GUCY2F: variants seen among roughly 807,000 people sequenced by gnomAD.
GUCY2F encodes retinal guanylyl cyclase 2.
In GUCY2F, 61 loss-of-function variants were observed where a neutral mutation model predicts 73.1. The ratio of observed to expected loss-of-function variants is 0.83; its 90% CI spans 0.68 to 1.03. The LOEUF is 1.03. GUCY2F is among the 50% of genes least tolerant of loss of function. GUCY2F has a pLI of 0.00. For synonymous variants in GUCY2F, 331 were observed against 307.8 expected (o/e 1.08, Z -0.79); for missense variants, 912 against 854.3 (o/e 1.07, Z -0.84).
At chrX:109,458,764 G>C (rs944917220) in intron 3 of GUCY2F, among the ~76,000 whole-genome samples, 1 of 111,302 alleles carries the variant, frequency 9.0e-6, no homozygotes, top group East Asian at 2.8e-4. Context: ...AACATTAATT[G>C]AGGGGTTATC....
intron 16 of GUCY2F, 125 bp downstream of exon 16, chrX:109,385,059 T>G: frequency 4.8e-6 from 2 of 413,446 alleles, no homozygotes; most frequent in South Asian, 1.0e-4. Context: ...TCTCAAATTA[T>G]CTTTTATTTT....
chrX:109,443,674 A>G (rs1457546612), intron 6 of GUCY2F, among the ~76,000 whole-genome samples: 1 of 112,057 alleles, frequency 8.9e-6, no homozygotes, highest in East Asian at 2.8e-4. Flanking sequence ...TGCAAAGCCT[A>G]TACAAATAAA....
chrX:109,434,147 G>A (rs1163400624), intron 7 of GUCY2F, among the ~76,000 whole-genome samples: 1 of 110,562 alleles, frequency 9.0e-6, no homozygotes, highest in Non-Finnish European at 1.9e-5. Context: ...AAGCAAAGAG[G>A]AAAGAGTAGT....
chrX:109,390,404 A>G (rs1322652155), intron 14 of GUCY2F, among the ~76,000 whole-genome samples: 1 of 112,220 alleles, frequency 8.9e-6, no homozygotes, highest in African/African-American at 3.2e-5. Context: ...AGGTAAAGAA[A>G]ATAAAAACAC....
At chrX:109,420,568 T>C (rs1278739391) in intron 8 of GUCY2F, among the ~76,000 whole-genome samples, 1 of 111,326 alleles carries the variant, frequency 9.0e-6, no homozygotes, top group Non-Finnish European at 1.9e-5. Context: ...AAATAAATAG[T>C]TCAGCAAAGG....
At chrX:109,415,187 G>A (rs1383084062) in intron 8 of GUCY2F, among the ~76,000 whole-genome samples, 1 of 111,058 alleles carries the variant, frequency 9.0e-6, no homozygotes, top group Non-Finnish European at 1.9e-5. Flanking sequence ...TAACCAGGCT[G>A]TTGTCAGCCA....
intron 2 of GUCY2F, among the ~76,000 whole-genome samples, chrX:109,472,701 C>G (rs1311414293): frequency 2.7e-5 from 3 of 112,107 alleles, no homozygotes; most frequent in Non-Finnish European, 3.8e-5. Context: ...CACCAAATCT[C>G]CAATTTTCTA....
intron 7 of GUCY2F, among the ~76,000 whole-genome samples, chrX:109,433,332 C>A (rs1036189797): frequency 8.9e-6 from 1 of 111,910 alleles, no homozygotes; most frequent in African/African-American, 3.3e-5. Context: ...ATCCATAACA[C>A]AATCCCTTCA....
At chrX:109,446,721 A>C (rs1195208525) in intron 6 of GUCY2F, among the ~76,000 whole-genome samples, 1 of 112,149 alleles carries the variant, frequency 8.9e-6, no homozygotes, top group Non-Finnish European at 1.9e-5. Flanking sequence ...ATGGGAAAGG[A>C]CTTCATGTCT....
intron 16 of GUCY2F, among the ~76,000 whole-genome samples, chrX:109,382,988 T>C (rs924277861): frequency 9.0e-6 from 1 of 111,723 alleles, no homozygotes; most frequent in African/African-American, 3.3e-5. Flanking sequence ...GAGTCTTAAA[T>C]AAAAGTCCAA....
intron 7 of GUCY2F, among the ~76,000 whole-genome samples, chrX:109,435,921 G>A (rs1306396474): frequency 9.0e-6 from 1 of 111,142 alleles, no homozygotes; most frequent in Non-Finnish European, 1.9e-5. Context: ...TTTATATGCT[G>A]GATTACATTT....
chrX:109,395,855 C>T (rs2147255462), intron 11 of GUCY2F, among the ~76,000 whole-genome samples: 1 of 111,694 alleles, frequency 9.0e-6, no homozygotes, highest in Non-Finnish European at 1.9e-5. Context: ...ACAATAGACC[C>T]ACTTAACTCT....
At chrX:109,410,791 C>G (rs777878456) in intron 8 of GUCY2F, among the ~76,000 whole-genome samples, 110 of 111,812 alleles carry the variant, frequency 9.8e-4, no homozygotes, top group African/African-American at 3.3e-3. Flanking sequence ...TATGTGGACT[C>G]TCTCAAAGGA....
intron 8 of GUCY2F, among the ~76,000 whole-genome samples, chrX:109,409,887 C>A (rs1421003199): frequency 9.0e-6 from 1 of 111,378 alleles, no homozygotes; most frequent in Non-Finnish European, 1.9e-5. Flanking sequence ...TTATAAATTA[C>A]CCAGTCTCAG....
At chrX:109,480,591 T>A (rs1932758667) in intron 1 of GUCY2F, among the ~76,000 whole-genome samples, 1 of 111,528 alleles carries the variant, frequency 9.0e-6, no homozygotes, top group South Asian at 3.7e-4. Flanking sequence ...TCTAAAAAGT[T>A]AGATTTTTTA....
intron 3 of GUCY2F, among the ~76,000 whole-genome samples, chrX:109,459,763 T>A (rs1216392776): frequency 8.9e-6 from 1 of 111,827 alleles, no homozygotes; most frequent in Non-Finnish European, 1.9e-5. Context: ...AAAAAGCAAC[T>A]GTTTAGCCAA....
intron 8 of GUCY2F, among the ~76,000 whole-genome samples, chrX:109,427,075 G>A (rs1931506226): frequency 8.9e-6 from 1 of 112,097 alleles, no homozygotes; most frequent in Non-Finnish European, 1.9e-5. Context: ...TCAGTAAGCA[G>A]GGGATACAAT....
intron 8 of GUCY2F, among the ~76,000 whole-genome samples, chrX:109,410,013 C>A (rs1378102141): frequency 9.0e-6 from 1 of 111,411 alleles, no homozygotes; most frequent in Admixed American, 9.6e-5. Context: ...TCACCCCAGC[C>A]CTGCCCCCTG....
intron 10 of GUCY2F, among the ~76,000 whole-genome samples, chrX:109,400,658 C>T (rs1184380639): frequency 9.0e-6 from 1 of 111,332 alleles, no homozygotes; most frequent in African/African-American, 3.3e-5. Context: ...CTTTAAGTGT[C>T]CCCAGGCTTT....
Sources: gnomAD v4.1 joint callset for allele counts (sites outside exome capture counted in the v4.1 genomes callset) on GRCh38, gnomAD v4.1.1 for gene constraint, MANE v1.5 for transcripts, NCBI Gene and HGNC (gene_info 2026-07-23, HGNC 2026-07-21) for gene names.